IL1RAPL2: variants seen among roughly 807,000 people sequenced by gnomAD.
The protein encoded by IL1RAPL2 is interleukin 1 receptor accessory protein like 2.
IL1RAPL2 carries 3 observed loss-of-function variants against 44.1 expected under a neutral mutation model. The observed-to-expected ratio is 0.07, with a 90% CI of 0.03 to 0.18. The LOEUF (loss-of-function observed/expected upper bound fraction) is 0.18, where lower values mean the gene tolerates loss of function less well. Among genes scored for constraint, IL1RAPL2 ranks in the 10% least tolerant of loss-of-function variants. The pLI, the probability that IL1RAPL2 is intolerant of heterozygous loss-of-function variation, is 1.00. For synonymous variants in IL1RAPL2, 181 were observed against 178.8 expected, an observed-to-expected ratio of 1.01 and a Z score of -0.10; for missense variants, 391 against 496.4, an observed-to-expected ratio of 0.79 and a Z score of 2.02.
chrX:105,065,571 C>G (rs1173032586), intron 2 of IL1RAPL2, among the ~76,000 whole-genome samples: 2 of 111,420 alleles, frequency 1.8e-5, no homozygotes, highest in Non-Finnish European at 3.8e-5. Context: ...AATTGAATAA[C>G]CTACTGGTAG....
intron 5 of IL1RAPL2, among the ~76,000 whole-genome samples, chrX:105,462,230 A>G (rs1284247486): frequency 9.0e-6 from 1 of 111,302 alleles, no homozygotes; most frequent in Non-Finnish European, 1.9e-5. Context: ...GACCATCTAG[A>G]TAGAGATTAA....
At chrX:104,903,780 T>C (rs1176534095) in intron 2 of IL1RAPL2, among the ~76,000 whole-genome samples, 3 of 110,586 alleles carry the variant, frequency 2.7e-5, no homozygotes, top group Non-Finnish European at 5.7e-5. Context: ...GATTTTGCCG[T>C]GTTGCCCAGG....
At chrX:105,101,601 A>T (rs1208820397) in intron 2 of IL1RAPL2, among the ~76,000 whole-genome samples, 1 of 111,265 alleles carries the variant, frequency 9.0e-6, no homozygotes, top group East Asian at 2.8e-4. Context: ...TGTGTAACCA[A>T]TATACTATAT....
chrX:105,090,614 T>G (rs890146207), intron 2 of IL1RAPL2, among the ~76,000 whole-genome samples: 3 of 112,174 alleles, frequency 2.7e-5, no homozygotes, highest in African/African-American at 9.7e-5. Context: ...TACCTCAACT[T>G]CTCTTAGAGC....
chrX:104,788,401 C>T (rs1247761545), intron 2 of IL1RAPL2, among the ~76,000 whole-genome samples: 1 of 111,825 alleles, frequency 8.9e-6, no homozygotes, highest in African/African-American at 3.3e-5. Context: ...ATAGGTAAAG[C>T]CTAGAGCATT....
At chrX:104,788,128 C>T (rs1230710595) in intron 2 of IL1RAPL2, among the ~76,000 whole-genome samples, 2 of 112,180 alleles carry the variant, frequency 1.8e-5, no homozygotes, top group African/African-American at 6.5e-5. Context: ...TGATTAAAGG[C>T]TTTCACCAAT....
intron 2 of IL1RAPL2, among the ~76,000 whole-genome samples, chrX:104,838,294 T>C (rs1921796870): frequency 8.9e-6 from 1 of 112,047 alleles, no homozygotes; most frequent in Non-Finnish European, 1.9e-5. Context: ...GGAATAGCAT[T>C]GAATCTATAA....
At chrX:104,649,994 G>A (rs996554821) in intron 1 of IL1RAPL2, among the ~76,000 whole-genome samples, 1 of 111,751 alleles carries the variant, frequency 8.9e-6, no homozygotes, top group Non-Finnish European at 1.9e-5. Context: ...TCTTCAATAT[G>A]GCATTACTCA....
chrX:104,670,051 T>C (rs1187835037), intron 2 of IL1RAPL2, among the ~76,000 whole-genome samples: 1 of 111,450 alleles, frequency 9.0e-6, no homozygotes, highest in Non-Finnish European at 1.9e-5. Context: ...ATAGGATAGA[T>C]GTATATATGA....
chrX:104,680,053 A>G (rs1930863134), intron 2 of IL1RAPL2, among the ~76,000 whole-genome samples: 1 of 111,736 alleles, frequency 8.9e-6, no homozygotes, highest in South Asian at 3.8e-4. Context: ...GTGTTAAGGG[A>G]CCAGACAGGT....
intron 2 of IL1RAPL2, among the ~76,000 whole-genome samples, chrX:104,717,759 C>A (rs867984972): frequency 4.6e-5 from 5 of 109,188 alleles, no homozygotes; most frequent in South Asian, 8.2e-4. Context: ...TATCTCCCCC[C>A]CCCACCCCAC....
At chrX:105,607,616 T>C (rs1332253937) in intron 6 of IL1RAPL2, among the ~76,000 whole-genome samples, 2 of 68,623 alleles carry the variant, frequency 2.9e-5, no homozygotes, top group Non-Finnish European at 5.1e-5. Flanking sequence ...TATTAAAAGA[T>C]GCATGGACAT....
intron 6 of IL1RAPL2, among the ~76,000 whole-genome samples, chrX:105,650,753 A>C (rs776069431): frequency 8.9e-6 from 1 of 111,906 alleles, no homozygotes; most frequent in Non-Finnish European, 1.9e-5. Context: ...GCAGGTTCAG[A>C]GTTCAGGAAC....
chrX:104,931,745 T>G (rs1456732846), intron 2 of IL1RAPL2, among the ~76,000 whole-genome samples: 1 of 111,461 alleles, frequency 9.0e-6, no homozygotes, highest in Non-Finnish European at 1.9e-5. Context: ...AAAAGAACTT[T>G]TTTATTATTG....
chrX:105,198,057 C>T (rs1046478985), intron 3 of IL1RAPL2, among the ~76,000 whole-genome samples: 4 of 111,612 alleles, frequency 3.6e-5, no homozygotes, highest in Middle Eastern at 9.2e-3. Flanking sequence ...TAATGGCCAT[C>T]CACATTGGTA....
At chrX:104,920,133 T>A (rs751946448) in intron 2 of IL1RAPL2, among the ~76,000 whole-genome samples, 1 of 111,400 alleles carries the variant, frequency 9.0e-6, no homozygotes, top group Non-Finnish European at 1.9e-5. Flanking sequence ...TTTACTTTAC[T>A]GAGTTATAGT....
intron 2 of IL1RAPL2, among the ~76,000 whole-genome samples, chrX:104,716,490 A>T (rs2147560969): frequency 9.0e-6 from 1 of 111,545 alleles, no homozygotes; most frequent in South Asian, 3.7e-4. Context: ...GAGTAAACAG[A>T]TAATCTATGG....
intron 9 of IL1RAPL2, among the ~76,000 whole-genome samples, chrX:105,753,710 A>T (rs1222209863): frequency 1.8e-5 from 2 of 112,129 alleles, no homozygotes; most frequent in Non-Finnish European, 3.8e-5. Context: ...GCAGTCCTTC[A>T]TGTACATCTG....
chrX:105,095,556 C>T (rs1286723854), intron 2 of IL1RAPL2, among the ~76,000 whole-genome samples: 1 of 111,581 alleles, frequency 9.0e-6, no homozygotes, highest in Non-Finnish European at 1.9e-5. Context: ...ATATCTATGT[C>T]AATTTTTTTT....
Sources: allele counts gnomAD v4.1 joint callset (sites outside exome capture counted in the v4.1 genomes callset), GRCh38; gene constraint gnomAD v4.1.1; transcripts MANE v1.5; gene names NCBI Gene and HGNC (gene_info 2026-07-23, HGNC 2026-07-21).